The following ARHGAP10 variants were observed in gnomAD, a reference collection of about 807,000 sequenced individuals.
The protein encoded by ARHGAP10 is rho GTPase-activating protein 10.
ARHGAP10 carries 87 observed loss-of-function variants against 108.6 expected under a neutral mutation model. The observed-to-expected ratio is 0.80, with a 90% CI of 0.67 to 0.96. The LOEUF is 0.96. Ranked by LOEUF, ARHGAP10 falls within the 40% of genes least tolerant of loss-of-function variation. The pLI is 0.00. For synonymous variants in ARHGAP10, 347 were observed against 341.1 expected, an observed-to-expected ratio of 1.02 and a Z score of -0.19; for missense variants, 939 against 954.5, an observed-to-expected ratio of 0.98 and a Z score of 0.21.
At chr4:147,854,000 T>C (rs923394164) in intron 4 of ARHGAP10, among the ~76,000 whole-genome samples, 3 of 152,234 alleles carry the variant, frequency 2.0e-5, no homozygotes, top group Non-Finnish European at 2.9e-5. Context: ...CAAATTTATA[T>C]AGTTTTTGAC....
chr4:147,853,740 AT>A (rs59966813), intron 4 of ARHGAP10, among the ~76,000 whole-genome samples: 17,462 of 149,616 alleles, frequency 0.12, 3,175 homozygotes, highest in African/African-American at 0.39. Context: ...GATTATTATG[AT>A]TTTTTTTTTA....
rs547306631 is a variant in ARHGAP10 at position 147,987,495 on chromosome 4, G to A, written c.1716+20656G>A. Among the ~76,000 whole-genome samples the A allele has an allele frequency of 3.9e-5, 6 of 152,262 alleles. No individual in the cohort carries two copies. The South Asian group carries it at 6.2e-4, about 16-fold the overall frequency. ...TTTGGTACAAGTATTTCCTTCAGGCGACAGCCCAGCAGCACTGAGAACTGC... is the reference window on the plus strand; with the variant it reads ...TTTGGTACAAGTATTTCCTTCAGGCAACAGCCCAGCAGCACTGAGAACTGC... On this transcript the variant is annotated intron_variant, in intron 18 of 22. Transcript: ENST00000336498.
At chr4:148,020,976 A>G (rs1741546464) in intron 18 of ARHGAP10, among the ~76,000 whole-genome samples, 1 of 152,214 alleles carries the variant, frequency 6.6e-6, no homozygotes, top group African/African-American at 2.4e-5. Flanking sequence ...GCTGTAGAAT[A>G]CCTATATCTA....
rs559510625 is a variant in ARHGAP10, at chr4:147,991,095, G to A, written c.1716+24256G>A. Among the ~76,000 whole-genome samples, 6 of 149,924 alleles carry A rather than the reference G, an allele frequency of 4.0e-5. No homozygotes were observed. The South Asian group carries it at 6.4e-4, about 16-fold the overall frequency. On this transcript the variant is annotated intron_variant, in intron 18 of 22. Transcript: ENST00000336498. The stretch of plus-strand genomic sequence containing the variant: ...AAAATAACCTTTACACCAAACCCCC[G>A]TGACACACAATTTGTCTATATAACA...
intron 1 of ARHGAP10, among the ~76,000 whole-genome samples, chr4:147,744,339 G>T (rs1728814601): frequency 6.6e-6 from 1 of 151,978 alleles, no homozygotes; most frequent in Non-Finnish European, 1.5e-5. Context: ...GTGCTCAGGT[G>T]GGCCAGGGAA....
intron 14 of ARHGAP10, chr4:147,946,217 T>G (rs1219869347): frequency 6.2e-6 from 1 of 161,530 alleles, no homozygotes; most frequent in Non-Finnish European, 1.3e-5. Flanking sequence ...AGGGCAACAA[T>G]GCCACCTAAA....
intron 19 of ARHGAP10, among the ~76,000 whole-genome samples, chr4:148,043,776 G>GTA (rs1183092089): frequency 9.0e-5 from 13 of 143,686 alleles, no homozygotes; most frequent in African/African-American, 1.5e-4. Context: ...GTATATATAT[G>GTA]TATATATATA....
At chr4:147,864,496 G>T (rs1437113547) in intron 5 of ARHGAP10, 3 of 189,414 alleles carry the variant, frequency 1.6e-5, no homozygotes, top group Non-Finnish European at 3.2e-5. Context: ...GTTGTGGTTG[G>T]GGTGAGTTTT....
At chr4:147,940,757 T>C (rs1352773696) in intron 14 of ARHGAP10, among the ~76,000 whole-genome samples, 1 of 152,240 alleles carries the variant, frequency 6.6e-6, no homozygotes, top group African/African-American at 2.4e-5. Context: ...AGAGTCATTT[T>C]TAGGAAGCAT....
In ARHGAP10 at chr4:147,879,225, G is replaced by T. The variant is rs775473643; in HGVS notation, c.833-7G>T. On this transcript the variant is annotated splice_polypyrimidine_tract_variant and splice_region_variant and intron_variant, in intron 8 of 22. Transcript: ENST00000336498. Reference sequence around the variant, plus strand: ...GGAAAATATAAAGGGCTGTTTTTTTGTTGAAGGGCCTGCTCCGTTTGGTTC... The same window carrying T: ...GGAAAATATAAAGGGCTGTTTTTTTTTTGAAGGGCCTGCTCCGTTTGGTTC... 1.9e-6 allele frequency: 3 copies of T among 1,603,430 alleles called. No homozygotes were observed. The highest frequency in any genetic ancestry group is 1.8e-5 in the Admixed American group (1 of 56,172).
intron 18 of ARHGAP10, among the ~76,000 whole-genome samples, chr4:148,001,177 T>C (rs6810966): frequency 3.4e-4 from 52 of 152,400 alleles, no homozygotes; most frequent in African/African-American, 1.3e-3. Context: ...AGGGAATCCT[T>C]TCCCCATTTC....
intron 3 of ARHGAP10, among the ~76,000 whole-genome samples, chr4:147,838,859 A>G (rs528731981): frequency 6.6e-6 from 1 of 152,172 alleles, no homozygotes. Context: ...AATATCTTAA[A>G]TTTCTTAGTG....
chr4:147,844,225 T>C (rs1437790933), intron 3 of ARHGAP10, among the ~76,000 whole-genome samples: 4 of 152,212 alleles, frequency 2.6e-5, no homozygotes, highest in African/African-American at 9.6e-5. Flanking sequence ...ATAATAGGTA[T>C]ATATATTTAT....
intron 18 of ARHGAP10, among the ~76,000 whole-genome samples, chr4:147,998,554 C>A (rs2149642212): frequency 6.6e-6 from 1 of 152,314 alleles, no homozygotes; most frequent in African/African-American, 2.4e-5. Flanking sequence ...GTTTTACTTA[C>A]CAATATTATA....
intron 13 of ARHGAP10, among the ~76,000 whole-genome samples, chr4:147,920,845 C>T (rs72724371): frequency 0.011 from 1,746 of 152,114 alleles, 20 homozygotes; most frequent in Non-Finnish European, 0.019. Context: ...TATATTTTGG[C>T]GTTTAGAGGA....
intron 18 of ARHGAP10, among the ~76,000 whole-genome samples, chr4:147,992,842 GACTTTCT>G (rs1560863587): frequency 6.6e-6 from 1 of 152,138 alleles, no homozygotes; most frequent in Admixed American, 6.5e-5. Flanking sequence ...TGTACCACGG[GACTTTCT>G]ACTTAAATAA....
At chr4:147,839,189 A>T (rs1260869493) in intron 3 of ARHGAP10, among the ~76,000 whole-genome samples, 1 of 152,032 alleles carries the variant, frequency 6.6e-6, no homozygotes, top group African/African-American at 2.4e-5. Flanking sequence ...GCACCATTTA[A>T]GATTCCGTTT....
At chr4:147,923,072 A>G (rs994496828) in intron 13 of ARHGAP10, among the ~76,000 whole-genome samples, 1 of 152,214 alleles carries the variant, frequency 6.6e-6, no homozygotes, top group Non-Finnish European at 1.5e-5. Flanking sequence ...TATTGGTAAT[A>G]TTGTGTGTCT....
intron 10 of ARHGAP10, among the ~76,000 whole-genome samples, chr4:147,894,664 A>G (rs1231544847): frequency 6.6e-6 from 1 of 152,272 alleles, no homozygotes; most frequent in East Asian, 1.9e-4. Flanking sequence ...AAAGCTTTAT[A>G]ATTAGTCCAT....
Sources: allele counts gnomAD v4.1 joint callset (sites outside exome capture counted in the v4.1 genomes callset), GRCh38; gene constraint gnomAD v4.1.1; transcripts MANE v1.5; gene names NCBI Gene and HGNC (gene_info 2026-07-23, HGNC 2026-07-21).